Variants in RNF13 observed in about 807,000 individuals in gnomAD.
RNF13 encodes E3 ubiquitin-protein ligase RNF13.
A neutral mutation model predicts 37.7 loss-of-function variants in RNF13; 19 were observed. That is an observed-to-expected ratio of 0.50 (90% CI 0.35 to 0.74). The LOEUF (loss-of-function observed/expected upper bound fraction) is 0.74. Ranked by LOEUF, RNF13 falls within the 30% of genes least tolerant of loss-of-function variation. The pLI is 0.01. For missense variants in RNF13, 375 were observed against 453.0 expected (o/e 0.83, Z 1.56); for synonymous variants, 144 against 157.8 (o/e 0.91, Z 0.65).
At chr3:149,938,139 T>A (rs1576568017) in intron 8 of RNF13, among the ~76,000 whole-genome samples, 2 of 151,548 alleles carry the variant, frequency 1.3e-5, no homozygotes, top group Non-Finnish European at 2.9e-5. Flanking sequence ...TTAAATATTG[T>A]TATATATATA....
intron 2 of RNF13, among the ~76,000 whole-genome samples, chr3:149,847,560 C>T (rs1169594030): frequency 6.6e-6 from 1 of 151,968 alleles, no homozygotes; most frequent in Non-Finnish European, 1.5e-5. Context: ...ATTTCTAACC[C>T]CCTGTTGTCC....
At chr3:149,945,601 GAACA>G (rs1720694280) in intron 8 of RNF13, among the ~76,000 whole-genome samples, 1 of 152,286 alleles carries the variant, frequency 6.6e-6, no homozygotes, top group African/African-American at 2.4e-5. Context: ...TGAGATCTGA[GAACA>G]GACAGACTGC....
At chr3:149,921,042 T>A (rs1718072426) in intron 7 of RNF13, 92 bp from the exon 8 acceptor site, 1 of 414,668 alleles carries the variant, frequency 2.4e-6, no homozygotes, top group Non-Finnish European at 4.3e-6. Flanking sequence ...GCAGTAGCTA[T>A]CCAGAAACTT....
At chr3:149,949,823 T>G (rs1721140318) in intron 8 of RNF13, among the ~76,000 whole-genome samples, 1 of 151,758 alleles carries the variant, frequency 6.6e-6, no homozygotes, top group Non-Finnish European at 1.5e-5. Flanking sequence ...CCTGGATCTG[T>G]GGTGGGGTGT....
At chr3:149,921,094 A>G in intron 7 of RNF13, 40 bp from the exon 8 acceptor site, 1 of 807,282 alleles carries the variant, frequency 1.2e-6, no homozygotes, top group Non-Finnish European at 1.8e-6. Context: ...CTCTTTGCAC[A>G]TTTAATATCT....
At chr3:149,848,589 G>C (rs1385111218) in intron 2 of RNF13, among the ~76,000 whole-genome samples, 1 of 152,182 alleles carries the variant, frequency 6.6e-6, no homozygotes, top group African/African-American at 2.4e-5. Flanking sequence ...TAGACATCTA[G>C]TTCCAGTCAA....
At chr3:149,915,901 C>A (rs1717458130) in intron 7 of RNF13, among the ~76,000 whole-genome samples, 1 of 152,076 alleles carries the variant, frequency 6.6e-6, no homozygotes, top group Admixed American at 6.6e-5. Context: ...AAGATGAAGG[C>A]TGTGAATGGA....
chr3:149,871,705 C>T (rs1255653653), intron 3 of RNF13, among the ~76,000 whole-genome samples: 1 of 151,992 alleles, frequency 6.6e-6, no homozygotes, highest in African/African-American at 2.4e-5. Context: ...ATTTTTAAGA[C>T]ATATTTGCTT....
chr3:149,891,845 G>A (rs368353707), intron 4 of RNF13, among the ~76,000 whole-genome samples: 9 of 152,300 alleles, frequency 5.9e-5, no homozygotes, highest in Admixed American at 3.9e-4. Context: ...CTTACTAAAT[G>A]ATTTAACATT....
At chr3:149,930,452 G>A (rs879907295) in intron 8 of RNF13, among the ~76,000 whole-genome samples, 11 of 152,118 alleles carry the variant, frequency 7.2e-5, no homozygotes, top group East Asian at 1.9e-4. Flanking sequence ...TTTTATATAC[G>A]GATATTCAAT....
chr3:149,922,065 C>G (rs1051206159), intron 8 of RNF13, among the ~76,000 whole-genome samples: 1 of 152,130 alleles, frequency 6.6e-6, no homozygotes, highest in Non-Finnish European at 1.5e-5. Context: ...CCTCCGCCCC[C>G]CAGGTTCAAG....
chr3:149,892,961 G>A (rs955881183), intron 4 of RNF13, among the ~76,000 whole-genome samples: 16 of 152,184 alleles, frequency 1.1e-4, no homozygotes, highest in African/African-American at 3.9e-4. Context: ...GTACAGGACA[G>A]GGCAAGCTTC....
intron 8 of RNF13, chr3:149,939,499 C>T (rs1394025734): frequency 7.1e-5 from 41 of 576,578 alleles, no homozygotes; most frequent in South Asian, 2.0e-4. Context: ...ACACTTCAAC[C>T]GTAAGATCAC....
intron 3 of RNF13, among the ~76,000 whole-genome samples, chr3:149,869,395 G>T (rs897740936): frequency 1.3e-5 from 2 of 151,706 alleles, no homozygotes; most frequent in East Asian, 3.9e-4. Flanking sequence ...CACAAGGTCA[G>T]GAGATCGAGA....
At chr3:149,814,888 GCA>G (rs1359524304) in intron 1 of RNF13, among the ~76,000 whole-genome samples, 4 of 151,288 alleles carry the variant, frequency 2.6e-5, no homozygotes, top group Non-Finnish European at 5.9e-5. Flanking sequence ...TTGGAGAGAG[GCA>G]CAGTTATTTT....
chr3:149,889,241 A>G (rs566832208), intron 4 of RNF13, among the ~76,000 whole-genome samples: 4 of 149,124 alleles, frequency 2.7e-5, no homozygotes, highest in Admixed American at 1.3e-4. Flanking sequence ...CTGGCCCCAG[A>G]TATTTATTGA....
At chr3:149,874,958 A>G (rs1712519947) in intron 4 of RNF13, among the ~76,000 whole-genome samples, 1 of 152,138 alleles carries the variant, frequency 6.6e-6, no homozygotes, top group African/African-American at 2.4e-5. Flanking sequence ...GGTTATATAC[A>G]GTTTTATATT....
intron 4 of RNF13, among the ~76,000 whole-genome samples, chr3:149,888,328 G>C (rs1714279376): frequency 6.6e-6 from 1 of 152,106 alleles, no homozygotes; most frequent in Non-Finnish European, 1.5e-5. Flanking sequence ...TGTTGAAATA[G>C]TGAACTAAAA....
intron 4 of RNF13, among the ~76,000 whole-genome samples, chr3:149,879,095 G>T (rs1713078294): frequency 1.3e-5 from 2 of 152,078 alleles, no homozygotes; most frequent in South Asian, 4.1e-4. Context: ...TCCAGTATCT[G>T]TATTATGCTA....
Sources: gnomAD v4.1 joint callset for allele counts (sites outside exome capture counted in the v4.1 genomes callset) on GRCh38, gnomAD v4.1.1 for gene constraint, MANE v1.5 for transcripts, NCBI Gene and HGNC (gene_info 2026-07-23, HGNC 2026-07-21) for gene names.